ACBD6: variants seen among roughly 807,000 people sequenced by gnomAD.
ACBD6 encodes acyl-CoA-binding domain-containing protein 6.
In ACBD6, 28 loss-of-function variants were observed where a neutral mutation model predicts 37.2. The observed-to-expected ratio is 0.75, with a 90% CI of 0.56 to 1.03. The LOEUF (loss-of-function observed/expected upper bound fraction) is 1.03, where lower values mean the gene tolerates loss of function less well. Ranked by LOEUF, ACBD6 falls within the 50% of genes least tolerant of loss-of-function variation. The pLI is 0.00. For missense variants in ACBD6, 340 were observed against 337.4 expected, an observed-to-expected ratio of 1.01 and a Z score of -0.06; for synonymous variants, 113 against 126.8, an observed-to-expected ratio of 0.89 and a Z score of 0.73.
At chr1:180,291,499 A>C (rs534098759) in intron 7 of ACBD6, among the ~76,000 whole-genome samples, 4 of 152,174 alleles carry the variant, frequency 2.6e-5, no homozygotes, top group Admixed American at 2.0e-4. Context: ...TTATCTGCCA[A>C]CTATCTATCT....
intron 1 of ACBD6, among the ~76,000 whole-genome samples, chr1:180,500,105 T>C (rs1458858655): frequency 1.4e-5 from 2 of 142,628 alleles, no homozygotes; most frequent in Admixed American, 7.1e-5. Context: ...CGAAACAAGA[T>C]CCTGTCTCTA....
chr1:180,356,547 T>A (rs1248083190), intron 6 of ACBD6, among the ~76,000 whole-genome samples: 1 of 152,018 alleles, frequency 6.6e-6, no homozygotes, highest in African/African-American at 2.4e-5. Flanking sequence ...ATATATCGTA[T>A]AATGAAAATA....
intron 3 of ACBD6, among the ~76,000 whole-genome samples, chr1:180,451,667 CA>C (rs1197548230): frequency 1.3e-5 from 2 of 152,086 alleles, no homozygotes; most frequent in African/African-American, 2.4e-5. Flanking sequence ...CCAGAATAGG[CA>C]AATCTATAGA....
chr1:180,419,522 A>G (rs796766746), intron 4 of ACBD6, among the ~76,000 whole-genome samples: 2 of 152,344 alleles, frequency 1.3e-5, no homozygotes, highest in African/African-American at 4.8e-5. Flanking sequence ...AGGAATTCGT[A>G]TAAGTTGACC....
At chr1:180,415,428 A>C (rs531188854) in intron 4 of ACBD6, among the ~76,000 whole-genome samples, 25 of 152,156 alleles carry the variant, frequency 1.6e-4, no homozygotes, top group East Asian at 9.6e-4. Flanking sequence ...CAAAAAAAAA[A>C]ACACCATGTC....
chr1:180,317,206 G>A (rs1372094143), intron 6 of ACBD6, among the ~76,000 whole-genome samples: 2 of 152,082 alleles, frequency 1.3e-5, no homozygotes, highest in South Asian at 2.1e-4. Flanking sequence ...ATTATTATGT[G>A]TCAATTTTAA....
chr1:180,338,135 C>CCAT (rs1261131350), intron 6 of ACBD6, among the ~76,000 whole-genome samples: 2 of 152,118 alleles, frequency 1.3e-5, no homozygotes, highest in African/African-American at 2.4e-5. Flanking sequence ...AATGCCATCC[C>CCAT]CATCAAGCTA....
intron 5 of ACBD6, among the ~76,000 whole-genome samples, chr1:180,412,742 T>A (rs1423610237): frequency 1.3e-5 from 2 of 152,126 alleles, no homozygotes; most frequent in African/African-American, 4.8e-5. Flanking sequence ...AGCACATGCC[T>A]GTAGTCCTGG....
At chr1:180,416,391 G>A (rs1648097153) in intron 4 of ACBD6, among the ~76,000 whole-genome samples, 1 of 152,064 alleles carries the variant, frequency 6.6e-6, no homozygotes. Context: ...ACATGCAAAT[G>A]AATCCAACCA....
chr1:180,322,371 T>C (rs77610449), intron 6 of ACBD6, among the ~76,000 whole-genome samples: 10,806 of 152,186 alleles, frequency 0.071, 416 homozygotes, highest in African/African-American at 0.11. Flanking sequence ...ACTGGCCTTA[T>C]AGAATGAGTT....
intron 3 of ACBD6, among the ~76,000 whole-genome samples, chr1:180,448,442 G>A (rs986590242): frequency 6.6e-6 from 1 of 152,078 alleles, no homozygotes; most frequent in Non-Finnish European, 1.5e-5. Context: ...TTGTTTTCAT[G>A]AAGTGGTAAA....
chr1:180,330,793 T>C (rs1186066921), intron 6 of ACBD6, among the ~76,000 whole-genome samples: 2 of 152,182 alleles, frequency 1.3e-5, no homozygotes, highest in Non-Finnish European at 2.9e-5. Flanking sequence ...GAGAGAGGAA[T>C]TGGAGTAAAA....
chr1:180,357,579 C>CA (rs1277267960), intron 6 of ACBD6, among the ~76,000 whole-genome samples: 3 of 151,902 alleles, frequency 2.0e-5, no homozygotes, highest in Non-Finnish European at 2.9e-5. Context: ...CCTCAATAAT[C>CA]AAAAAAGGTA....
chr1:180,316,732 C>T (rs1365152447), intron 6 of ACBD6, among the ~76,000 whole-genome samples: 1 of 152,104 alleles, frequency 6.6e-6, no homozygotes, highest in Non-Finnish European at 1.5e-5. Context: ...AAAATAGTTA[C>T]TGAGCTCCAA....
At chr1:180,469,785 C>T (rs1397230711) in intron 3 of ACBD6, among the ~76,000 whole-genome samples, 1 of 152,158 alleles carries the variant, frequency 6.6e-6, no homozygotes, top group Admixed American at 6.5e-5. Context: ...CTCAGCAACA[C>T]TAACATTGCA....
chr1:180,477,628 A>G (rs1650852002), intron 3 of ACBD6, among the ~76,000 whole-genome samples: 1 of 152,186 alleles, frequency 6.6e-6, no homozygotes, highest in South Asian at 2.1e-4. Flanking sequence ...AACAGATAAA[A>G]TGCAGTTCTA....
intron 6 of ACBD6, among the ~76,000 whole-genome samples, chr1:180,336,925 C>T (rs1049241631): frequency 1.3e-5 from 2 of 151,910 alleles, no homozygotes; most frequent in African/African-American, 2.4e-5. Flanking sequence ...ATAAATTCCT[C>T]GACACATACA....
At chr1:180,469,259 C>T (rs1047607544) in intron 3 of ACBD6, among the ~76,000 whole-genome samples, 2 of 152,158 alleles carry the variant, frequency 1.3e-5, no homozygotes, top group African/African-American at 4.8e-5. Context: ...CCCTTTTCAT[C>T]TTTGCCATAC....
intron 6 of ACBD6, among the ~76,000 whole-genome samples, chr1:180,385,606 G>C (rs960070102): frequency 6.6e-6 from 1 of 151,694 alleles, no homozygotes; most frequent in Non-Finnish European, 1.5e-5. Context: ...AACGTGATAG[G>C]GCTGGTTCCC....
Sources: gnomAD v4.1 joint callset for allele counts (sites outside exome capture counted in the v4.1 genomes callset) on GRCh38, gnomAD v4.1.1 for gene constraint, MANE v1.5 for transcripts, NCBI Gene and HGNC (gene_info 2026-07-23, HGNC 2026-07-21) for gene names.